Variants in BNC2 observed in about 807,000 individuals in gnomAD.
BNC2 encodes zinc finger protein basonuclin-2.
A neutral mutation model predicts 76.3 loss-of-function variants in BNC2; 20 were observed. That is an observed-to-expected ratio of 0.26 (90% CI 0.18 to 0.38). The LOEUF (loss-of-function observed/expected upper bound fraction) is 0.38. Ranked by LOEUF, BNC2 falls within the 10% of genes least tolerant of loss-of-function variation. The pLI, the probability that BNC2 is intolerant of heterozygous loss-of-function variation, is 1.00. For synonymous variants in BNC2, 582 were observed against 514.8 expected, an observed-to-expected ratio of 1.13 and a Z score of -1.77; for missense variants, 1,382 against 1,399.8, an observed-to-expected ratio of 0.99 and a Z score of 0.20.
At chr9:16,858,831 G>A (rs918221879) in intron 1 of BNC2, among the ~76,000 whole-genome samples, 27 of 151,666 alleles carry the variant, frequency 1.8e-4, no homozygotes, top group African/African-American at 6.1e-4. Flanking sequence ...GGGCGAAAGA[G>A]GGAGACTCCA....
intron 5 of BNC2, 36 bp downstream of exon 5, chr9:16,552,493 GC>G (rs752647232): frequency 1.3e-6 from 2 of 1,583,774 alleles, no homozygotes; most frequent in Admixed American, 1.7e-5. Flanking sequence ...CCCACAGTCG[GC>G]CCCGGACACG....
intron 1 of BNC2, among the ~76,000 whole-genome samples, chr9:16,751,266 T>TAAAAAAA (rs34351017): frequency 6.9e-6 from 1 of 145,684 alleles, no homozygotes; most frequent in Non-Finnish European, 1.5e-5. Context: ...GAAAATGGTT[T>TAAAAAAA]AAAAAAAAAA....
chr9:16,704,990 T>A (rs1172482806), intron 3 of BNC2: 2 of 152,218 alleles, frequency 1.3e-5, no homozygotes, highest in East Asian at 3.9e-4. Flanking sequence ...AGCTGTTAAT[T>A]GTCCAGACTC....
chr9:16,591,319 A>T (rs988034014), intron 3 of BNC2, among the ~76,000 whole-genome samples: 1 of 152,196 alleles, frequency 6.6e-6, no homozygotes, highest in Non-Finnish European at 1.5e-5. Flanking sequence ...ACGAATGTAA[A>T]AGAATATCCA....
intron 1 of BNC2, chr9:16,832,177 G>T (rs1423707917): frequency 4.2e-6 from 3 of 715,130 alleles, no homozygotes; most frequent in Non-Finnish European, 4.0e-6. Flanking sequence ...TCATTCATGC[G>T]CCCTTATTAA....
At chr9:16,700,577 C>T (rs754167975) in intron 3 of BNC2, among the ~76,000 whole-genome samples, 2 of 152,192 alleles carry the variant, frequency 1.3e-5, no homozygotes, top group Non-Finnish European at 2.9e-5. Flanking sequence ...TCCCAAGCAG[C>T]TGGGACTATA....
chr9:16,582,225 C>A (rs552358473), intron 4 of BNC2, among the ~76,000 whole-genome samples: 4 of 137,348 alleles, frequency 2.9e-5, no homozygotes, highest in African/African-American at 1.4e-4. Flanking sequence ...GAAAAAAAAA[C>A]GTCTGCTTAT....
At chr9:16,742,369 G>C (rs564599809) in intron 1 of BNC2, among the ~76,000 whole-genome samples, 5 of 152,318 alleles carry the variant, frequency 3.3e-5, no homozygotes, top group African/African-American at 1.2e-4. Flanking sequence ...CTGCAATTGT[G>C]GTCCAAAGTC....
intron 3 of BNC2, among the ~76,000 whole-genome samples, chr9:16,586,218 G>A (rs1819767040): frequency 6.6e-6 from 1 of 152,050 alleles, no homozygotes; most frequent in Admixed American, 6.5e-5. Flanking sequence ...AATGGAGGCA[G>A]CAGTGAAGAT....
chr9:16,639,261 C>T (rs931271429), intron 3 of BNC2, among the ~76,000 whole-genome samples: 7 of 152,050 alleles, frequency 4.6e-5, no homozygotes, highest in Non-Finnish European at 1.0e-4. Flanking sequence ...ATATTCATAA[C>T]AATGTTGTTA....
At chr9:16,661,646 A>G (rs1227542597) in intron 3 of BNC2, among the ~76,000 whole-genome samples, 1 of 152,198 alleles carries the variant, frequency 6.6e-6, no homozygotes, top group East Asian at 1.9e-4. Context: ...AGGCATGAAC[A>G]TCTAATGATC....
At chr9:16,764,128 T>C (rs1450335876) in intron 1 of BNC2, among the ~76,000 whole-genome samples, 1 of 152,240 alleles carries the variant, frequency 6.6e-6, no homozygotes, top group East Asian at 1.9e-4. Context: ...TTAGGAACTT[T>C]AATTTTTTTG....
chr9:16,577,271 T>C (rs1245578811), intron 4 of BNC2, among the ~76,000 whole-genome samples: 2 of 151,604 alleles, frequency 1.3e-5, no homozygotes, highest in Non-Finnish European at 2.9e-5. Flanking sequence ...AAGGTCTCTA[T>C]AAATACCCCT....
At chr9:16,508,037 A>G (rs1822669085) in intron 5 of BNC2, among the ~76,000 whole-genome samples, 1 of 152,234 alleles carries the variant, frequency 6.6e-6, no homozygotes, top group Admixed American at 6.5e-5. Context: ...CACAGAGTAT[A>G]AGAAGATAAG....
rs536837091 is a variant in BNC2, at chr9:16,597,683, T to C, written c.331-14598A>G. On this transcript the variant is annotated intron_variant, in intron 3 of 6. Transcript: ENST00000380672. ...CACAAATAGACATATATTTAGATAT[T>C]TGTTTTACACATGAGAAGGCATAAG... is the stretch of plus-strand genomic sequence containing the variant. Among the ~76,000 whole-genome samples the C allele has an allele frequency of 3.3e-5, 5 of 152,286 alleles. No homozygotes were observed. The East Asian group carries it at 5.8e-4, about 18-fold the overall frequency.
intron 4 of BNC2, among the ~76,000 whole-genome samples, chr9:16,559,106 A>T (rs577014220): frequency 6.6e-6 from 1 of 152,314 alleles, no homozygotes; most frequent in South Asian, 2.1e-4. Flanking sequence ...CTTCAACAGC[A>T]TTAATAAGGA....
intron 4 of BNC2, among the ~76,000 whole-genome samples, chr9:16,566,499 TG>T (rs1819172187): frequency 6.6e-6 from 1 of 152,200 alleles, no homozygotes; most frequent in Non-Finnish European, 1.5e-5. Context: ...GCAGGAATCC[TG>T]AGTAAACTTG....
chr9:16,727,579 T>C, intron 3 of BNC2: 1 of 559,862 alleles, frequency 1.8e-6, no homozygotes, highest in Non-Finnish European at 3.1e-6. Context: ...TTTACTTCGG[T>C]ATCCTTTCCC....
chr9:16,712,952 C>G (rs1376684841), intron 3 of BNC2, among the ~76,000 whole-genome samples: 2 of 152,114 alleles, frequency 1.3e-5, no homozygotes. Context: ...GAGGTAGGAA[C>G]TAAAGACTAG....
Sources: gnomAD v4.1 joint callset for allele counts (sites outside exome capture counted in the v4.1 genomes callset) on GRCh38, gnomAD v4.1.1 for gene constraint, MANE v1.5 for transcripts, NCBI Gene and HGNC (gene_info 2026-07-23, HGNC 2026-07-21) for gene names.